The following PATJ variants were observed in gnomAD, a reference collection of about 807,000 sequenced individuals.
PATJ encodes PATJ crumbs cell polarity complex component.
PATJ carries 190 observed loss-of-function variants against 224.9 expected under a neutral mutation model. That is an observed-to-expected ratio of 0.84 (90% CI 0.75 to 0.95). The LOEUF (loss-of-function observed/expected upper bound fraction) is 0.95, where lower values mean the gene tolerates loss of function less well. Ranked by LOEUF, PATJ falls within the 40% of genes least tolerant of loss-of-function variation. The probability of loss-of-function intolerance (pLI) is 0.00; values close to 1 mark genes in which losing one functional copy is unlikely to be tolerated. For synonymous variants in PATJ, 769 were observed against 820.3 expected, an observed-to-expected ratio of 0.94 and a Z score of 1.07; for missense variants, 2,121 against 2,270.3, an observed-to-expected ratio of 0.93 and a Z score of 1.34.
chr1:61,939,317 T>TCTCACA lies in PATJ; in HGVS notation c.3670+11489_3670+11490insTCACAC, dbSNP rs1553212314. Among the ~76,000 whole-genome samples the TCTCACA allele has an allele frequency of 5.6e-5, 8 of 142,570 alleles. No homozygotes were observed. In the South Asian group the frequency reaches 1.8e-3, roughly 32 times the overall value. 93.5% of individuals were successfully genotyped at this position (142,570 alleles called of 152,430 possible). On this transcript the variant is annotated intron_variant, in intron 27 of 43. Coordinates refer to ENST00000642238, the MANE Select transcript of PATJ (RefSeq NM_001350145.3). ...TACATAAAAATTAAAAACTTTGCAT[T>TCTCACA]CACACACACACACACACACACACAC...
At chr1:61,975,733 G>T in intron 27 of PATJ, among the ~76,000 whole-genome samples, 1 of 151,930 alleles carries the variant, frequency 6.6e-6, no homozygotes, top group South Asian at 2.1e-4. Flanking sequence ...CTGTCCACTT[G>T]GTCCTAGCAG....
intron 27 of PATJ, among the ~76,000 whole-genome samples, chr1:61,959,428 T>TATATATATAATATATATATA (rs1557944975): frequency 9.2e-6 from 1 of 109,022 alleles, no homozygotes; most frequent in African/African-American, 3.6e-5. Flanking sequence ...ATAATATATT[T>TATATATATAATATATATATA]TTTTTCTTTT....
chr1:61,898,109 A>G (rs894674977), intron 22 of PATJ, among the ~76,000 whole-genome samples: 2 of 152,224 alleles, frequency 1.3e-5, no homozygotes, highest in Admixed American at 1.3e-4. Flanking sequence ...AAATGGGAGT[A>G]TTGAAACTTA....
Position 61,807,670 on chromosome 1 carries a change from A to G in PATJ, c.1627-804A>G, listed in dbSNP as rs533393784. Among the ~76,000 whole-genome samples, 120 of 152,322 alleles carry G rather than the reference A, an allele frequency of 7.9e-4. 2 individuals carry two copies. Among genetic ancestry groups the G allele is most frequent in the African/African-American group, 7.7e-4 (32 of 41,570 alleles). On this transcript the variant is annotated intron_variant, in intron 13 of 43. Coordinates refer to ENST00000642238, the MANE Select transcript of PATJ (RefSeq NM_001350145.3). ...AGAAAGAAGCTAGGCATGATGGAGA[A>G]TGAATGAATGCGTGTACTCCAATAT...
intron 33 of PATJ, among the ~76,000 whole-genome samples, chr1:62,087,130 C>T (rs1321437208): frequency 6.6e-6 from 1 of 151,964 alleles, no homozygotes. Context: ...TTAGGTTGCA[C>T]AGACACTTGA....
intron 31 of PATJ, among the ~76,000 whole-genome samples, chr1:62,052,987 G>A (rs1255207183): frequency 2.6e-5 from 4 of 152,190 alleles, no homozygotes; most frequent in Admixed American, 2.6e-4. Context: ...TTCATCCACA[G>A]AGGAAATGGT....
intron 42 of PATJ, among the ~76,000 whole-genome samples, chr1:62,149,276 A>G (rs934536132): frequency 7.4e-6 from 1 of 134,544 alleles, no homozygotes; most frequent in Non-Finnish European, 1.6e-5. Flanking sequence ...ATTCTGCTAC[A>G]GATGGGCAAA....
chr1:61,923,858 G>T (rs1276200758), intron 26 of PATJ, among the ~76,000 whole-genome samples: 3 of 149,298 alleles, frequency 2.0e-5, no homozygotes, highest in African/African-American at 7.4e-5. Flanking sequence ...GGAGGCGGAG[G>T]TTGTAGTGAG....
At chr1:62,134,641 G>A (rs184835439) in intron 41 of PATJ, among the ~76,000 whole-genome samples, 14 of 152,152 alleles carry the variant, frequency 9.2e-5, no homozygotes, top group African/African-American at 2.7e-4. Context: ...CACCACGCCC[G>A]GCCTCTTTTC....
chr1:61,750,819 G>A (rs909442399), intron 1 of PATJ, among the ~76,000 whole-genome samples: 1 of 151,926 alleles, frequency 6.6e-6, no homozygotes, highest in African/African-American at 2.4e-5. Context: ...GGGTCAGGTT[G>A]TAAATCTTCC....
At chr1:61,870,704 G>T (rs1331011763) in intron 20 of PATJ, among the ~76,000 whole-genome samples, 9 of 152,160 alleles carry the variant, frequency 5.9e-5, no homozygotes, top group Non-Finnish European at 1.3e-4. Flanking sequence ...ATAAATATCT[G>T]TTGAAATCCC....
chr1:61,942,037 T>C (rs1677894073), intron 27 of PATJ, among the ~76,000 whole-genome samples: 1 of 152,204 alleles, frequency 6.6e-6, no homozygotes, highest in African/African-American at 2.4e-5. Flanking sequence ...AGTGGTGCCA[T>C]GAATGATGTA....
At chr1:61,860,477 C>T (rs1008060081) in intron 18 of PATJ, among the ~76,000 whole-genome samples, 12 of 152,164 alleles carry the variant, frequency 7.9e-5, no homozygotes. Flanking sequence ...TGCAAGGCTA[C>T]GTGTCCTTGT....
intron 33 of PATJ, among the ~76,000 whole-genome samples, chr1:62,095,465 G>T (rs1220611508): frequency 2.0e-5 from 3 of 152,108 alleles, no homozygotes; most frequent in African/African-American, 7.2e-5. Context: ...CTTTGTAATT[G>T]GTTCAAAAAA....
At chr1:61,884,445 ATAGTGGT>A in intron 22 of PATJ, 37 bp downstream of exon 22, 1 of 1,166,490 alleles carries the variant, frequency 8.6e-7, no homozygotes, top group Non-Finnish European at 1.1e-6. Context: ...ACATTATAAA[ATAGTGGT>A]TTTTTTTTTT....
chr1:61,871,535 G>T (rs1387434988), intron 20 of PATJ, among the ~76,000 whole-genome samples: 3 of 8,752 alleles, frequency 3.4e-4, no homozygotes, highest in African/African-American at 8.3e-4. Context: ...ATGTGTGTGT[G>T]TGTGTATATA....
intron 27 of PATJ, among the ~76,000 whole-genome samples, chr1:61,979,333 G>T (rs1644317843): frequency 6.6e-6 from 1 of 152,020 alleles, no homozygotes; most frequent in African/African-American, 2.4e-5. Flanking sequence ...CCCATCTTAG[G>T]TTAATGGCTG....
intron 43 of PATJ, among the ~76,000 whole-genome samples, chr1:62,153,871 G>A (rs1232208413): frequency 6.6e-6 from 1 of 152,146 alleles, no homozygotes; most frequent in Non-Finnish European, 1.5e-5. Context: ...GAGGCAGAAA[G>A]GTTTGTGCTG....
At chr1:62,056,616 A>G (rs1382066294) in intron 31 of PATJ, among the ~76,000 whole-genome samples, 1 of 152,070 alleles carries the variant, frequency 6.6e-6, no homozygotes, top group Non-Finnish European at 1.5e-5. Context: ...CCCCGTTCCT[A>G]TTAAAAATAC....
Sources: gnomAD v4.1 joint callset for allele counts (sites outside exome capture counted in the v4.1 genomes callset) on GRCh38, gnomAD v4.1.1 for gene constraint, MANE v1.5 for transcripts, NCBI Gene and HGNC (gene_info 2026-07-23, HGNC 2026-07-21) for gene names.